COPS3: variants seen among roughly 807,000 people sequenced by gnomAD.
COPS3 encodes COP9 signalosome complex subunit 3.
Under a neutral mutation model 58.2 loss-of-function variants are expected in COPS3, and 10 were observed. That is an observed-to-expected ratio of 0.17 (90% CI 0.11 to 0.29). The LOEUF is 0.29. COPS3 is among the 10% of genes least tolerant of loss of function. The pLI is 1.00. For missense variants in COPS3, 333 were observed against 510.1 expected, an observed-to-expected ratio of 0.65 and a Z score of 3.34; for synonymous variants, 187 against 181.7, an observed-to-expected ratio of 1.03 and a Z score of -0.24.
chr17:17,247,408 C>A, intron 11 of COPS3, 72 bp downstream of exon 11: 1 of 1,371,182 alleles, frequency 7.3e-7, no homozygotes, highest in South Asian at 1.2e-5. Flanking sequence ...AAACTTAGTT[C>A]CTGTGCCTGA....
At chr17:17,255,016 G>C in intron 8 of COPS3, 71 bp from the exon 9 acceptor site, 1 of 1,101,842 alleles carries the variant, frequency 9.1e-7, no homozygotes, top group Non-Finnish European at 1.4e-6. Context: ...AATGTGTACA[G>C]AGCGGCCAGG....
Position 17,276,164 on chromosome 17 carries a change from C to T in COPS3, c.56G>A (p.Gly19Glu). The change falls in exon 2 of 12, where the codon GGG (glycine) becomes GAG (glutamate). Residue 19 changes from glycine to glutamate, a missense_variant and splice_region_variant. Transcript: ENST00000268717. ...VNSVRQLSAQGQMTQLCELIN... is the reference protein window; with the variant it reads ...VNSVRQLSAQEQMTQLCELIN... ...CAGTTCACAAAGCTGTGTCATTTGC[C>T]CTGGAAAACAGGAACAACACTATTG... 1 of 1,613,672 alleles carries T rather than the reference C, an allele frequency of 6.2e-7. No homozygotes were observed. Among genetic ancestry groups the T allele is most frequent in the Non-Finnish European group, 8.5e-7 (1 of 1,179,738 alleles).
intron 1 of COPS3, among the ~76,000 whole-genome samples, chr17:17,279,871 TC>T (rs1271882833): frequency 6.6e-6 from 1 of 152,184 alleles, no homozygotes; most frequent in Non-Finnish European, 1.5e-5. Context: ...CAGCATCTAA[TC>T]ATTCGAATTT....
At chr17:17,261,697 G>GA (rs1440929903) in intron 7 of COPS3, 1 of 434,340 alleles carries the variant, frequency 2.3e-6, no homozygotes, top group Non-Finnish European at 4.3e-6. Flanking sequence ...CTGTCTCTAG[G>GA]GAAAAAAAAA....
At chr17:17,257,540 G>A (rs976164348) in intron 8 of COPS3, among the ~76,000 whole-genome samples, 2 of 151,916 alleles carry the variant, frequency 1.3e-5, no homozygotes, top group South Asian at 4.1e-4. Context: ...GCTCATGCTT[G>A]TAATCCCAGC....
At position 17,249,357 on chromosome 17, in the gene COPS3, G is replaced by T. The variant is rs149468398; in HGVS notation, c.1024-318C>A. On this transcript the variant is annotated intron_variant, in intron 9 of 11. Transcript: ENST00000268717. ...ATTTATTTATTTGAGATGGAGTCTCGCTGTCCCCCAGGCTGGAGTGCAGTG... is the reference window on the plus strand; with the variant it reads ...ATTTATTTATTTGAGATGGAGTCTCTCTGTCCCCCAGGCTGGAGTGCAGTG... 5.9e-5 allele frequency among the ~76,000 whole-genome samples: 9 copies of T among 151,960 alleles called. No individual in the cohort carries two copies. The East Asian group carries it at 1.7e-3, about 29-fold the overall frequency.
intron 9 of COPS3, among the ~76,000 whole-genome samples, chr17:17,249,620 G>A (rs537434778): frequency 1.3e-5 from 2 of 152,254 alleles, no homozygotes; most frequent in African/African-American, 4.8e-5. Context: ...AGCCTCCTAA[G>A]TAGCTAGCAT....
At position 17,281,150 on chromosome 17, in the gene COPS3, G is replaced by C. The variant is rs761530085; in HGVS notation, c.37C>G (p.Arg13Gly). ...SALEQFVNSV[R>G]QLSAQGQMTQ... is the part of the protein sequence containing the mutation. ...GCGTTACCTTGAGCTGAGAGCTGTCGGACACTGTTCACGAACTGCTCCAGG... is the reference window on the plus strand; with the variant it reads ...GCGTTACCTTGAGCTGAGAGCTGTCCGACACTGTTCACGAACTGCTCCAGG... Residue 13 changes from arginine (R) to glycine (G), a missense_variant, in exon 1 of 12, where the codon CGA (arginine) becomes GGA (glycine). Transcript: ENST00000268717. The C allele has an allele frequency of 6.2e-7, 1 of 1,611,358 alleles. No individual in the cohort carries two copies. Among genetic ancestry groups the C allele is most frequent in the Non-Finnish European group, 8.5e-7 (1 of 1,179,018 alleles).
At chr17:17,273,557 G>GA (rs1472618856) in intron 2 of COPS3, among the ~76,000 whole-genome samples, 9 of 151,524 alleles carry the variant, frequency 5.9e-5, no homozygotes, top group African/African-American at 2.2e-4. Context: ...CATCTCTACA[G>GA]AAAAAAAAAG....
At chr17:17,272,731 A>G (rs1256983527) in intron 2 of COPS3, among the ~76,000 whole-genome samples, 1 of 152,184 alleles carries the variant, frequency 6.6e-6, no homozygotes, top group Non-Finnish European at 1.5e-5. Flanking sequence ...ATATGGCCCT[A>G]TCTCTGCAAA....
chr17:17,263,539 GT>G (rs1162446252), intron 6 of COPS3, among the ~76,000 whole-genome samples: 1 of 105,612 alleles, frequency 9.5e-6, no homozygotes, highest in East Asian at 3.3e-4. Context: ...TTGAGATGGA[GT>G]TTTGCTCTTG....
chr17:17,263,701 A>C (rs1290740565), intron 6 of COPS3, among the ~76,000 whole-genome samples: 1 of 150,182 alleles, frequency 6.7e-6, no homozygotes, highest in African/African-American at 2.5e-5. Context: ...TTTAGTAGAG[A>C]TGGGGTTTCT....
intron 1 of COPS3, among the ~76,000 whole-genome samples, chr17:17,277,970 C>T (rs1284807381): frequency 2.0e-5 from 3 of 152,070 alleles, no homozygotes; most frequent in African/African-American, 4.8e-5. Flanking sequence ...CCTGTCTCCA[C>T]TAAAAATACA....
chr17:17,267,050 G>A (rs1172157874), intron 5 of COPS3, among the ~76,000 whole-genome samples: 1 of 149,262 alleles, frequency 6.7e-6, no homozygotes, highest in African/African-American at 2.5e-5. Context: ...TTTAAAAAAA[G>A]TTACAGGCCG....
chr17:17,254,996 C>T (rs1469426409), intron 8 of COPS3, 51 bp from the exon 9 acceptor site: 1 of 1,325,066 alleles, frequency 7.5e-7, no homozygotes, highest in South Asian at 1.2e-5. Flanking sequence ...GAAGGAAGGA[C>T]ATTTTATTAA....
chr17:17,280,763 G>T, intron 1 of COPS3: 1 of 1,248,424 alleles, frequency 8.0e-7, no homozygotes, highest in Non-Finnish European at 1.0e-6. Context: ...ATGACATGGC[G>T]GTGCGCCAAT....
At position 17,264,166 on chromosome 17, in the gene COPS3, G is replaced by A. The variant is rs187757530; in HGVS notation, c.621+636C>T. Among the ~76,000 whole-genome samples the A allele has an allele frequency of 2.3e-3, 349 of 152,272 alleles. 1 individual carries two copies. Among genetic ancestry groups the A allele is most frequent in the Middle Eastern group, 0.017 (5 of 294 alleles). ...TTCCAACTAAACCGAGCTCTCTGAA[G>A]GTTTTAAATATCCTTTATTACTTAA... is the stretch of plus-strand genomic sequence containing the variant. On this transcript the variant is annotated intron_variant, in intron 6 of 11. Transcript: ENST00000268717.
At chr17:17,264,763 A>G in intron 6 of COPS3, 39 bp downstream of exon 6, 1 of 1,562,086 alleles carries the variant, frequency 6.4e-7, no homozygotes, top group Non-Finnish European at 8.7e-7. Context: ...TTGATCACAC[A>G]AGTTCAGAAC....
chr17:17,252,627 G>C (rs2047876450), intron 9 of COPS3, among the ~76,000 whole-genome samples: 1 of 152,218 alleles, frequency 6.6e-6, no homozygotes, highest in African/African-American at 2.4e-5. Context: ...AGCCTGTCAG[G>C]GTGTCTGGGC....
Sources: gnomAD v4.1 joint callset for allele counts (sites outside exome capture counted in the v4.1 genomes callset) on GRCh38, gnomAD v4.1.1 for gene constraint, MANE v1.5 for transcripts, NCBI Gene and HGNC (gene_info 2026-07-23, HGNC 2026-07-21) for gene names.